LUZP4: variants seen among roughly 807,000 people sequenced by gnomAD.
LUZP4 encodes the protein leucine zipper protein 4.
A neutral mutation model predicts 8.5 loss-of-function variants in LUZP4; 11 were observed. The observed-to-expected ratio is 1.30, with a 90% CI of 0.82 to 2.14. LUZP4 has a LOEUF of 2.14. LUZP4 is among the 30% of genes most tolerant of loss of function. The pLI is 0.00. For synonymous variants in LUZP4, 104 were observed against 79.4 expected (o/e 1.31, Z -1.65); for missense variants, 276 against 229.7 (o/e 1.20, Z -1.30).
chrX:115,307,076 A>G lies in LUZP4; in HGVS notation c.*272A>G. The G allele has an allele frequency of 2.9e-6, 1 of 342,937 alleles. No individual in the cohort carries two copies. The highest frequency in any genetic ancestry group is 5.0e-5 in the East Asian group (1 of 19,914). The allele number at this position is 342,937 out of a possible 1,213,427, so 28.3% of individuals were successfully genotyped here. On this transcript the variant is annotated 3_prime_UTR_variant, in exon 4 of 4. Coordinates refer to ENST00000371920, the MANE Select transcript of LUZP4 (RefSeq NM_016383.5). ...CAGCCTTTCCTATTGGGCCTTCCCC[A>G]CAATTAGAATATTTTGACTTAGTGT... is the stretch of plus-strand genomic sequence containing the variant.
At chrX:115,303,782 A>G (rs2073408631) in intron 3 of LUZP4, among the ~76,000 whole-genome samples, 1 of 111,921 alleles carries the variant, frequency 8.9e-6, no homozygotes, top group Non-Finnish European at 1.9e-5. Flanking sequence ...TGAACTGTAA[A>G]AGCCAGAAGT....
Position 115,306,429 on chromosome X carries a change from A to C in LUZP4, c.567A>C (p.Arg189Ser). 1 of 1,211,620 alleles carries C rather than the reference A, an allele frequency of 8.3e-7. No homozygotes were observed. Among genetic ancestry groups the C allele is most frequent in the Non-Finnish European group, 1.1e-6 (1 of 895,365 alleles). The change falls in exon 4 of 4, where the codon AGA becomes AGC. Residue 189 changes from arginine to serine, a missense_variant. Transcript: ENST00000371920. Reference sequence around the variant, plus strand: ...AGAGACATCATCCCCAATATGAGAGATCTCATGGCCAATACAAGAGATCTC... The same window carrying C: ...AGAGACATCATCCCCAATATGAGAGCTCTCATGGCCAATACAAGAGATCTC... ...QLKRHHPQYE[R>S]SHGQYKRSHG...
chrX:115,295,599 A>T (rs1225384765), intron 1 of LUZP4, among the ~76,000 whole-genome samples: 6 of 111,922 alleles, frequency 5.4e-5, no homozygotes, highest in African/African-American at 1.9e-4. Context: ...TATTACTTCC[A>T]TTGTAATACA....
At chrX:115,297,110 C>T (rs927636568) in intron 1 of LUZP4, among the ~76,000 whole-genome samples, 23 of 111,783 alleles carry the variant, frequency 2.1e-4, no homozygotes, top group African/African-American at 6.8e-4. Flanking sequence ...AATCCAATTA[C>T]GCTCTTTATT....
At position 115,306,444 on chromosome X, in the gene LUZP4, C is replaced by T. The variant is rs1556603968; in HGVS notation, c.582C>T (p.Tyr194=). ...AATATGAGAGATCTCATGGCCAATA[C>T]AAGAGATCTCATGGTCAATCTGAGA... The part of the protein sequence containing the change: ...HPQYERSHGQ[Y]KRSHGQSERS... Residue 194 remains tyrosine (Y), a synonymous_variant, in exon 4 of 4, where the codon TAC becomes TAT. Coordinates refer to ENST00000371920, the MANE Select transcript of LUZP4 (RefSeq NM_016383.5). 42 of 1,210,746 alleles carry T rather than the reference C, an allele frequency of 3.5e-5. No homozygotes were observed. The highest frequency in any genetic ancestry group is 4.6e-5 in the Non-Finnish European group (41 of 895,170).
intron 1 of LUZP4, among the ~76,000 whole-genome samples, chrX:115,294,818 A>C (rs1196216592): frequency 9.0e-6 from 1 of 111,693 alleles, no homozygotes; most frequent in Non-Finnish European, 1.9e-5. Flanking sequence ...GGCTGAGGAA[A>C]GATGTTGAGT....
At chrX:115,304,191 C>T (rs1403609162) in intron 3 of LUZP4, among the ~76,000 whole-genome samples, 1 of 112,141 alleles carries the variant, frequency 8.9e-6, no homozygotes, top group African/African-American at 3.2e-5. Context: ...CACTATGATA[C>T]CAGAACAGCC....
At position 115,306,474 on chromosome X, in the gene LUZP4, T is replaced by G. The variant is rs1244804879; in HGVS notation, c.612T>G (p.Ser204=). The G allele has an allele frequency of 8.3e-7, 1 of 1,211,113 alleles. No individual in the cohort carries two copies. Among genetic ancestry groups the G allele is most frequent in the African/African-American group, 1.7e-5 (1 of 57,665 alleles). The part of the protein sequence containing the change: ...YKRSHGQSER[S]HGHSERSHGH... Reference sequence around the variant, plus strand: ...GATCTCATGGTCAATCTGAGAGATCTCATGGCCACTCAGAGAGATCTCATG... The same window carrying G: ...GATCTCATGGTCAATCTGAGAGATCGCATGGCCACTCAGAGAGATCTCATG... The change falls in exon 4 of 4, where the codon TCT becomes TCG. Residue 204 remains serine, a synonymous_variant. Transcript: ENST00000371920.
intron 1 of LUZP4, among the ~76,000 whole-genome samples, chrX:115,300,776 A>G (rs905338684): frequency 4.4e-5 from 3 of 68,004 alleles, no homozygotes; most frequent in African/African-American, 1.0e-4. Flanking sequence ...TGGCACCACC[A>G]TGTCATTGCT....
rs140901921 is a variant in LUZP4 at position 115,294,967 on chromosome X, T to A, written c.91+5117T>A. On this transcript the variant is annotated intron_variant, in intron 1 of 3. Transcript: ENST00000371920. The stretch of plus-strand genomic sequence containing the variant: ...CCATATTTTAAACATTGGTTCTCTA[T>A]ATCCATATTTATACCTTTTTAGACA... Among the ~76,000 whole-genome samples the A allele has an allele frequency of 6.6e-3, 741 of 112,495 alleles. 7 individuals are homozygous for A. Among genetic ancestry groups the A allele is most frequent in the African/African-American group, 0.022 (696 of 31,017 alleles).
At chrX:115,302,440 A>G (rs2073401819) in intron 2 of LUZP4, among the ~76,000 whole-genome samples, 1 of 112,185 alleles carries the variant, frequency 8.9e-6, no homozygotes, top group African/African-American at 3.2e-5. Flanking sequence ...TTAGGAGGCA[A>G]TACAGGAGGG....
intron 2 of LUZP4, among the ~76,000 whole-genome samples, chrX:115,302,418 C>G (rs1353557297): frequency 1.8e-5 from 2 of 111,854 alleles, no homozygotes; most frequent in African/African-American, 6.5e-5. Flanking sequence ...GTTGGTTGGT[C>G]CAGTTCCACT....
intron 1 of LUZP4, among the ~76,000 whole-genome samples, chrX:115,301,054 C>A (rs782159946): frequency 1.5e-3 from 171 of 111,039 alleles, no homozygotes; most frequent in African/African-American, 5.5e-3. Context: ...TAGTACTAAG[C>A]AAAATAATAA....
At chrX:115,304,716 A>G (rs1403405636) in intron 3 of LUZP4, among the ~76,000 whole-genome samples, 3 of 108,172 alleles carry the variant, frequency 2.8e-5, no homozygotes, top group Non-Finnish European at 5.7e-5. Flanking sequence ...AGGTCTCGCT[A>G]TGTTGCCCAG....
intron 3 of LUZP4, among the ~76,000 whole-genome samples, chrX:115,304,245 A>G (rs2073410360): frequency 8.9e-6 from 1 of 112,136 alleles, no homozygotes; most frequent in Non-Finnish European, 1.9e-5. Context: ...AAGCTAAGAA[A>G]GAAATGTAAT....
Position 115,306,687 on chromosome X carries a change from C to A in LUZP4, c.825C>A (p.Val275=), listed in dbSNP as rs922576371. ...TAGCCACTCAGAGAGATCTCATAGTCACTCAGAGAGATCTCGTGGCCACTG... is the reference window on the plus strand; with the variant it reads ...TAGCCACTCAGAGAGATCTCATAGTAACTCAGAGAGATCTCGTGGCCACTG... ...DLIATQRDLI[V]TQRDLVATER... The change falls in exon 4 of 4, where the codon GTC becomes GTA. Residue 275 remains valine, a synonymous_variant. Coordinates refer to ENST00000371920, the MANE Select transcript of LUZP4 (RefSeq NM_016383.5). 6 of 1,208,173 alleles carry A rather than the reference C, an allele frequency of 5.0e-6. No homozygotes were observed. The highest frequency in any genetic ancestry group is 6.7e-6 in the Non-Finnish European group (6 of 894,573).
intron 1 of LUZP4, among the ~76,000 whole-genome samples, chrX:115,290,745 G>T (rs2073345284): frequency 9.1e-6 from 1 of 110,420 alleles, no homozygotes; most frequent in South Asian, 3.9e-4. Flanking sequence ...TGTAGAAATG[G>T]GGGAAGGAGG....
chrX:115,306,030 T>A (rs1556603594), intron 3 of LUZP4, among the ~76,000 whole-genome samples, 175 bp from the exon 4 acceptor site: 2 of 111,976 alleles, frequency 1.8e-5, no homozygotes, highest in African/African-American at 6.5e-5. Context: ...AGTGACACGA[T>A]ACAATGGAGC....
intron 1 of LUZP4, among the ~76,000 whole-genome samples, chrX:115,291,635 G>A (rs2073349529): frequency 9.0e-6 from 1 of 111,028 alleles, no homozygotes; most frequent in African/African-American, 3.3e-5. Context: ...GAAATGAAGA[G>A]GGTCAGCTGG....
Sources: gnomAD v4.1 joint callset for allele counts (sites outside exome capture counted in the v4.1 genomes callset) on GRCh38, gnomAD v4.1.1 for gene constraint, MANE v1.5 for transcripts, NCBI Gene and HGNC (gene_info 2026-07-23, HGNC 2026-07-21) for gene names.